The following ADARB2 variants were observed in gnomAD, a reference collection of about 807,000 sequenced individuals.
ADARB2 encodes the protein inactive double-stranded RNA-specific editase B2.
A neutral mutation model predicts 62.2 loss-of-function variants in ADARB2; 25 were observed. That is an observed-to-expected ratio of 0.40 (90% CI 0.29 to 0.56). The LOEUF (loss-of-function observed/expected upper bound fraction) is 0.56. Among genes scored for constraint, ADARB2 ranks in the 20% least tolerant of loss-of-function variants. ADARB2 has a pLI of 0.43. For missense variants in ADARB2, 1,071 were observed against 1,077.4 expected, an observed-to-expected ratio of 0.99 and a Z score of 0.08; for synonymous variants, 572 against 500.8, an observed-to-expected ratio of 1.14 and a Z score of -1.90.
At chr10:1,376,744 C>T (rs1163169543) in intron 2 of ADARB2, among the ~76,000 whole-genome samples, 1 of 151,990 alleles carries the variant, frequency 6.6e-6, no homozygotes, top group African/African-American at 2.4e-5. Context: ...TCTTTTTCTC[C>T]TGAGGGAGAC....
chr10:1,376,642 T>C (rs1832431739), intron 2 of ADARB2, among the ~76,000 whole-genome samples: 1 of 152,130 alleles, frequency 6.6e-6, no homozygotes, highest in Non-Finnish European at 1.5e-5. Context: ...TGGCCTCTAG[T>C]TGCTACAGAA....
intron 1 of ADARB2, among the ~76,000 whole-genome samples, chr10:1,490,649 T>C (rs1831610550): frequency 6.6e-6 from 1 of 152,178 alleles, no homozygotes; most frequent in African/African-American, 2.4e-5. Flanking sequence ...GAGATGGGGT[T>C]TCTCCATGTT....
At chr10:1,581,540 T>A (rs1009566528) in intron 1 of ADARB2, among the ~76,000 whole-genome samples, 3 of 152,178 alleles carry the variant, frequency 2.0e-5, no homozygotes, top group African/African-American at 7.2e-5. Context: ...AGCCTGTACG[T>A]AAACCTGTAG....
intron 1 of ADARB2, among the ~76,000 whole-genome samples, chr10:1,709,891 GTGCCAAGT>G (rs1834930485): frequency 1.3e-5 from 2 of 152,180 alleles, no homozygotes. Flanking sequence ...AGAATTTCAA[GTGCCAAGT>G]CTCTAAAGCC....
At position 1,363,820 on chromosome 10, in the gene ADARB2, G is replaced by A. The variant is rs1019571820; in HGVS notation, c.285C>T (p.Gly95=). 2.5e-6 allele frequency: 4 copies of A among 1,578,384 alleles called. No homozygotes were observed. In the African/African-American group the frequency reaches 4.1e-5, roughly 16 times the overall value. The change falls in exon 3 of 10, where the codon GGC becomes GGT. Residue 95 remains glycine, a synonymous_variant. Coordinates refer to ENST00000381312, the MANE Select transcript of ADARB2 (RefSeq NM_018702.4). ...SGDRARGGAP[G]AKRKRPLEEG... is the part of the protein sequence containing the mutation. ...CCTCCAGCGGCCGCTTCCTCTTCGC[G>A]CCGGGCGCGCCGCCCCGGGCCCGGT...
chr10:1,476,974 T>G (rs773714614), intron 1 of ADARB2, among the ~76,000 whole-genome samples: 1 of 152,182 alleles, frequency 6.6e-6, no homozygotes, highest in Non-Finnish European at 1.5e-5. Flanking sequence ...ACACAAGTGC[T>G]GGGCTGCCCA....
chr10:1,276,778 T>C (rs1358160358), intron 3 of ADARB2, among the ~76,000 whole-genome samples: 1 of 152,188 alleles, frequency 6.6e-6, no homozygotes, highest in Non-Finnish European at 1.5e-5. Flanking sequence ...TACAGAACTC[T>C]CCACCCCAAA....
rs573019762 is a variant in ADARB2, at chr10:1,481,793, T to C, written c.101-102633A>G. Among the ~76,000 whole-genome samples the C allele has an allele frequency of 2.6e-5, 4 of 151,132 alleles. No homozygotes were observed. The East Asian group carries it at 5.9e-4, about 22-fold the overall frequency. ...AATGGCTTGAACCCAGGAGGTGAAG[T>C]TTGCAGTGAGCTGAGATTGTGCCAC... On this transcript the variant is annotated intron_variant, in intron 1 of 9. Transcript: ENST00000381312.
chr10:1,575,595 G>C (rs543110768), intron 1 of ADARB2, among the ~76,000 whole-genome samples: 5 of 152,326 alleles, frequency 3.3e-5, no homozygotes, highest in African/African-American at 1.2e-4. Flanking sequence ...GCTGCTCTGA[G>C]GGGCTCTGTG....
chr10:1,529,079 C>G (rs984695204), intron 1 of ADARB2, among the ~76,000 whole-genome samples: 1 of 145,124 alleles, frequency 6.9e-6, no homozygotes, highest in Non-Finnish European at 1.5e-5. Flanking sequence ...GTCCACCCAC[C>G]ATGCCCAACA....
chr10:1,267,621 A>G (rs945081600), intron 4 of ADARB2, among the ~76,000 whole-genome samples: 3 of 152,174 alleles, frequency 2.0e-5, no homozygotes, highest in African/African-American at 7.2e-5. Flanking sequence ...TTTTTTCAAT[A>G]AGAGAAAAAA....
intron 1 of ADARB2, among the ~76,000 whole-genome samples, chr10:1,481,350 G>C (rs143188821): frequency 6.6e-6 from 1 of 152,094 alleles, no homozygotes; most frequent in East Asian, 1.9e-4. Flanking sequence ...TATAGAACTC[G>C]TAGAAAAGCT....
At chr10:1,267,286 T>TC (rs1589170680) in intron 4 of ADARB2, among the ~76,000 whole-genome samples, 1 of 152,116 alleles carries the variant, frequency 6.6e-6, no homozygotes, top group Non-Finnish European at 1.5e-5. Context: ...AGCTTAGAAT[T>TC]CCCCCCTGGG....
chr10:1,685,280 C>T (rs1328733149), intron 1 of ADARB2, among the ~76,000 whole-genome samples: 2 of 152,144 alleles, frequency 1.3e-5, no homozygotes, highest in African/African-American at 4.8e-5. Context: ...AGGACAGAGA[C>T]ACAGCGGCCA....
At chr10:1,549,146 A>G (rs1588297942) in intron 1 of ADARB2, among the ~76,000 whole-genome samples, 1 of 128,708 alleles carries the variant, frequency 7.8e-6, no homozygotes, top group Admixed American at 1.0e-4. Context: ...CTAGGGGGGA[A>G]TCACTTTAGC....
chr10:1,563,781 T>A (rs1210053845), intron 1 of ADARB2, among the ~76,000 whole-genome samples: 1 of 80,664 alleles, frequency 1.2e-5, no homozygotes, highest in African/African-American at 5.0e-5. Flanking sequence ...CCCTCCCCCC[T>A]CCCCCCACCC....
Position 1,439,591 on chromosome 10 carries a change from C to T in ADARB2, c.101-60431G>A, listed in dbSNP as rs55694950. On this transcript the variant is annotated intron_variant, in intron 1 of 9. Coordinates refer to ENST00000381312, the MANE Select transcript of ADARB2 (RefSeq NM_018702.4). Reference sequence around the variant, plus strand: ...TCACTATGGGGCTCCTGAGTCTCTCCCAGGATGGAGGCAGGCCCTTCATGA... The same window carrying T: ...TCACTATGGGGCTCCTGAGTCTCTCTCAGGATGGAGGCAGGCCCTTCATGA... 9.4e-4 allele frequency among the ~76,000 whole-genome samples: 84 copies of T among 89,344 alleles called. 3 individuals carry two copies. Among genetic ancestry groups the T allele is most frequent in the South Asian group, 2.1e-3 (5 of 2,370 alleles). 58.6% of individuals were successfully genotyped at this position (89,344 alleles called of 152,430 possible).
chr10:1,567,503 C>T (rs1832873899), intron 1 of ADARB2, among the ~76,000 whole-genome samples: 1 of 152,150 alleles, frequency 6.6e-6, no homozygotes, highest in Non-Finnish European at 1.5e-5. Flanking sequence ...ATCCTTCCAT[C>T]AATCTGTCGG....
At chr10:1,194,427 C>T (rs1292709709) in intron 8 of ADARB2, among the ~76,000 whole-genome samples, 1 of 152,194 alleles carries the variant, frequency 6.6e-6, no homozygotes, top group Non-Finnish European at 1.5e-5. Context: ...GACTTGCCAG[C>T]CTACACGATT....
Sources: gnomAD v4.1 joint callset for allele counts (sites outside exome capture counted in the v4.1 genomes callset) on GRCh38, gnomAD v4.1.1 for gene constraint, MANE v1.5 for transcripts, NCBI Gene and HGNC (gene_info 2026-07-23, HGNC 2026-07-21) for gene names.